Variants in TTN observed in about 807,000 individuals in gnomAD.
The protein encoded by TTN is connectin.
A neutral mutation model predicts 3,223.0 loss-of-function variants in TTN; 1,525 were observed. That is an observed-to-expected ratio of 0.47 (90% confidence interval 0.45 to 0.49). The LOEUF is 0.49. Ranked by LOEUF, TTN falls within the 20% of genes least tolerant of loss-of-function variation. The pLI, the probability that TTN is intolerant of heterozygous loss-of-function variation, is 0.00. For synonymous variants in TTN, 14,094 were observed against 15,161.0 expected (o/e 0.93, Z 5.17); for missense variants, 40,786 against 43,424.0 (o/e 0.94, Z 5.40).
intron 270 of TTN, among the ~76,000 whole-genome samples, chr2:178,610,784 A>G (rs1029694169): frequency 7.9e-5 from 12 of 152,046 alleles, no homozygotes; most frequent in African/African-American, 2.9e-4. Context: ...CAATTAACTA[A>G]AACTAGTATA....
At chr2:178,747,880 T>C (rs1211691964) in intron 47 of TTN, 2 of 1,612,992 alleles carry the variant, frequency 1.2e-6, no homozygotes, top group African/African-American at 1.3e-5. Flanking sequence ...CTGGATTCTG[T>C]TGTTCTTCAG....
intron 151 of TTN, 96 bp from the exon 152 acceptor site, chr2:178,673,806 A>G: frequency 1.1e-6 from 1 of 908,222 alleles, no homozygotes; most frequent in East Asian, 2.8e-5. Flanking sequence ...ACATTGACTT[A>G]TTTTTAAAAG....
At chr2:178,725,321 C>A (rs1183531674) in intron 71 of TTN, 47 bp downstream of exon 71, 8 of 1,422,594 alleles carry the variant, frequency 5.6e-6, no homozygotes, top group African/African-American at 1.4e-5. Flanking sequence ...CTTAGTAATT[C>A]ATTCCAGCAT....
Position 178,532,523 on chromosome 2 carries a change from G to T in TTN, c.104092C>A (p.Arg34698=). Residue 34698 remains arginine (R), a synonymous_variant, in exon 358 of 363, where the codon CGA becomes AGA. Coordinates refer to ENST00000589042, the MANE Select transcript of TTN (RefSeq NM_001267550.2). ...GAAAGCTCAAAGTGTGGAGGGCTTC[G>T]ACTTGGGGGTGAAGCTGAAAAACCT... ...ELGFSASPPS[R]SPPHFELSSL... The T allele has an allele frequency of 2.5e-6, 4 of 1,613,956 alleles. No individual in the cohort carries two copies. The highest frequency in any genetic ancestry group is 3.4e-6 in the Non-Finnish European group (4 of 1,179,854).
chr2:178,550,390 C>T, intron 336 of TTN, 117 bp from the exon 337 acceptor site: 1 of 769,510 alleles, frequency 1.3e-6, no homozygotes, highest in Non-Finnish European at 2.0e-6. Context: ...TTCTACTGTG[C>T]TACCAAAGCC....
At chr2:178,717,877 T>C in intron 86 of TTN, 66 bp downstream of exon 86, 18 of 1,573,034 alleles carry the variant, frequency 1.1e-5, no homozygotes, top group Non-Finnish European at 1.6e-5. Context: ...TTTCAATTCA[T>C]AAAAGTTTTA....
In TTN at chr2:178,741,671, G is replaced by T. The variant is rs2082510082; in HGVS notation, c.11562C>A (p.Phe3854Leu). The change falls in exon 48 of 363, where the codon TTC becomes TTA. Residue 3854 changes from phenylalanine to leucine, a missense_variant. By Grantham distance (22) the Phe-to-Leu change is conservative. Coordinates refer to ENST00000589042, the MANE Select transcript of TTN (RefSeq NM_001267550.2). ...IGIPKPKIQW[F>L]FNGVLLTPSA... ...AAGGGGTTAATAGCACTCCATTAAAGAACCACTGAATTTTAGGTTTGGGGA... is the reference window on the plus strand; with the variant it reads ...AAGGGGTTAATAGCACTCCATTAAATAACCACTGAATTTTAGGTTTGGGGA... The T allele has an allele frequency of 6.2e-7, 1 of 1,613,786 alleles. No individual in the cohort carries two copies. The highest frequency in any genetic ancestry group is 8.5e-7 in the Non-Finnish European group (1 of 1,179,766).
At position 178,580,335 on chromosome 2, in the gene TTN, A is replaced by T; in HGVS notation, c.67044T>A (p.Val22348=). Residue 22348 remains valine (V), a synonymous_variant, in exon 317 of 363, where the codon GTT becomes GTA. Transcript: ENST00000589042. ...NSCGKKEYTI[V]VKVLDTPGPP... ...AAATAGACTTACCAAGCACTTTCACAACAATGGTATATTCCTTTTTACCAC... is the reference window on the plus strand; with the variant it reads ...AAATAGACTTACCAAGCACTTTCACTACAATGGTATATTCCTTTTTACCAC... 6.2e-7 allele frequency: 1 copy of T among 1,612,856 alleles called. No individual in the cohort carries two copies. Among genetic ancestry groups the T allele is most frequent in the Non-Finnish European group, 8.5e-7 (1 of 1,179,364 alleles).
Position 178,722,093 on chromosome 2 carries a change from T to C in TTN, c.22570A>G (p.Ile7524Val). ...SPFFDIKPVS[I>V]DVIAGESADF... ...GCACTTTCTCCAGCAATAACATCTA[T>C]AGATACAGGCTTGATGTCAAAGAAG... is the stretch of plus-strand genomic sequence containing the variant. The change falls in exon 78 of 363, where the codon ATA becomes GTA. Residue 7524 changes from isoleucine to valine, a missense_variant. Transcript: ENST00000589042. 2 of 1,605,006 alleles carry C rather than the reference T, an allele frequency of 1.2e-6. No individual in the cohort carries two copies. The highest frequency in any genetic ancestry group is 1.1e-5 in the South Asian group (1 of 89,160).
At chr2:178,797,644 CTGG>C (rs2093840428) in intron 6 of TTN, among the ~76,000 whole-genome samples, 1 of 152,014 alleles carries the variant, frequency 6.6e-6, no homozygotes, top group African/African-American at 2.4e-5. Flanking sequence ...TGTTTCTAGG[CTGG>C]TGTTGTCTAC....
chr2:178,793,815 G>C (rs2093635059), intron 8 of TTN, among the ~76,000 whole-genome samples: 1 of 152,028 alleles, frequency 6.6e-6, no homozygotes, highest in Admixed American at 6.6e-5. Flanking sequence ...AGAAAAAAAA[G>C]TTACAATAAT....
chr2:178,699,289 GT>G (rs2074327264), intron 111 of TTN, among the ~76,000 whole-genome samples: 1 of 149,682 alleles, frequency 6.7e-6, no homozygotes, highest in African/African-American at 2.5e-5. Context: ...TAACAAGTGG[GT>G]TTAAAGTCCT....
chr2:178,803,435 G>A (rs547065025), intron 2 of TTN, among the ~76,000 whole-genome samples: 9 of 151,472 alleles, frequency 5.9e-5, no homozygotes, highest in African/African-American at 1.5e-4. Flanking sequence ...TTTGGAAGTC[G>A]GTAAGACTTA....
Position 178,730,709 on chromosome 2 carries a change from C to A in TTN, c.17824G>T (p.Val5942Leu). ...ATGCTTATGGGATGTGACCCAGCCACTATACATTCTAAATCAATGAAAGAA... is the reference window on the plus strand; with the variant it reads ...ATGCTTATGGGATGTGACCCAGCCAATATACATTCTAAATCAATGAAAGAA... ...KGSFIDLECI[V>L]AGSHPISIQW... The change falls in exon 61 of 363, where the codon GTG (valine) becomes TTG (leucine). Residue 5942 changes from valine to leucine, a missense_variant. Coordinates refer to ENST00000589042, the MANE Select transcript of TTN (RefSeq NM_001267550.2). The A allele has an allele frequency of 6.2e-7, 1 of 1,613,582 alleles. No homozygotes were observed. Among genetic ancestry groups the A allele is most frequent in the Non-Finnish European group, 8.5e-7 (1 of 1,179,646 alleles).
Position 178,576,907 on chromosome 2 carries a change from C to T in TTN, c.69412+16G>A, listed in dbSNP as rs2046562667. The T allele has an allele frequency of 6.2e-7, 1 of 1,606,958 alleles. No individual in the cohort carries two copies. Among genetic ancestry groups the T allele is most frequent in the Non-Finnish European group, 8.5e-7 (1 of 1,177,204 alleles). On this transcript the variant is annotated intron_variant, in intron 324 of 362. Coordinates refer to ENST00000589042, the MANE Select transcript of TTN (RefSeq NM_001267550.2). This position sits in a 1 kb window ranked among gnomAD's most constrained non-coding sequence, Gnocchi z 4.3. ...ATAAATGTTTCCATGTCAATTCCCT[C>T]ACATGCTCTACATACCAAATCTGTC...
chr2:178,623,751 A>C (rs989301427), intron 242 of TTN, among the ~76,000 whole-genome samples: 9 of 151,966 alleles, frequency 5.9e-5, no homozygotes, highest in African/African-American at 2.2e-4. Context: ...TATTGCACAA[A>C]AAATTTGCAG....
Position 178,566,996 on chromosome 2 carries a change from A to C in TTN, c.79136T>G (p.Leu26379Arg). 1.2e-6 allele frequency: 2 copies of C among 1,613,634 alleles called. No individual in the cohort carries two copies. The highest frequency in any genetic ancestry group is 8.5e-7 in the Non-Finnish European group (1 of 1,179,662). Residue 26379 changes from leucine (L) to arginine (R), a missense_variant, in exon 326 of 363, where the codon CTA becomes CGA. Transcript: ENST00000589042. ...AGGAAGCACAAATGGATTTTTCATT[A>C]GTACTGGTGCAGATTCCAAAGGCTC... ...VGEPLESAPVLMKNPFVLPGP... is the reference protein window; with the variant it reads ...VGEPLESAPVRMKNPFVLPGP...
chr2:178,612,675 G>A, intron 265 of TTN, 98 bp downstream of exon 265: 1 of 1,531,662 alleles, frequency 6.5e-7, no homozygotes, highest in African/African-American at 1.4e-5. Flanking sequence ...GTAGCCAGGA[G>A]GAAATAATAG....
chr2:178,777,296 G>C lies in TTN; in HGVS notation c.4667C>G (p.Pro1556Arg), dbSNP rs569025335. 1.2e-6 allele frequency: 2 copies of C among 1,613,686 alleles called. No homozygotes were observed. Among genetic ancestry groups the C allele is most frequent in the Admixed American group, 3.3e-5 (2 of 59,962 alleles). Reference sequence around the variant, plus strand: ...ATTTTTCAGTTTTTCTACAAACATCGGTTTTACCTGATGTTCCACAGCTGA... The same window carrying C: ...ATTTTTCAGTTTTTCTACAAACATCCGTTTTACCTGATGTTCCACAGCTGA... ...TVEAVEHQVK[P>R]MFVEKLKNVN... The change falls in exon 27 of 363, where the codon CCG becomes CGG. Residue 1556 changes from proline to arginine, a missense_variant. By Grantham distance (103) the Pro-to-Arg change is moderately radical (BLOSUM62 -2). Transcript: ENST00000589042.
Sources: allele counts gnomAD v4.1 joint callset (sites outside exome capture counted in the v4.1 genomes callset), GRCh38; gene constraint gnomAD v4.1.1; non-coding constraint Gnocchi (gnomAD v3.1); transcripts MANE v1.5; gene names NCBI Gene and HGNC (gene_info 2026-07-23, HGNC 2026-07-21).